SPATA9: variants seen among roughly 807,000 people sequenced by gnomAD.
SPATA9 encodes the protein spermatogenesis associated 9.
SPATA9 carries 27 observed loss-of-function variants against 25.5 expected under a neutral mutation model. The ratio of observed to expected loss-of-function variants is 1.06; its 90% CI spans 0.78 to 1.46. SPATA9 has a LOEUF of 1.46. Ranked by LOEUF, SPATA9 falls within the 40% of genes most tolerant of loss-of-function variation. The pLI, the probability that SPATA9 is intolerant of heterozygous loss-of-function variation, is 0.00. For missense variants in SPATA9, 282 were observed against 297.5 expected (o/e 0.95, Z 0.38); for synonymous variants, 102 against 105.7 (o/e 0.97, Z 0.21).
the SPATA9 span, among the ~76,000 whole-genome samples, chr5:95,718,815 G>C: frequency 1.3e-5 from 2 of 152,170 alleles, no homozygotes; most frequent in Admixed American, 6.5e-5. Context: ...AGAAAACGAA[G>C]ACAGAAGAGG....
At chr5:95,678,055 A>G (rs922749127) in intron 2 of SPATA9, among the ~76,000 whole-genome samples, 1 of 152,184 alleles carries the variant, frequency 6.6e-6, no homozygotes, top group Non-Finnish European at 1.5e-5. Flanking sequence ...TGAACCCCAG[A>G]AGCCATCATC....
At chr5:95,670,024 AC>A (rs1175968665) in intron 3 of SPATA9, among the ~76,000 whole-genome samples, 1 of 151,986 alleles carries the variant, frequency 6.6e-6, no homozygotes, top group Non-Finnish European at 1.5e-5. Context: ...GAAAGGCTTG[AC>A]CCCAACCATC....
downstream of SPATA9, chr5:95,654,034 T>C (rs1437658077): frequency 1.3e-6 from 2 of 1,596,018 alleles, no homozygotes; most frequent in South Asian, 2.3e-5. Flanking sequence ...ATACTTCTTG[T>C]AACTTTCCTT....
At chr5:95,673,749 T>C (rs1231668070) in intron 3 of SPATA9, among the ~76,000 whole-genome samples, 1 of 150,020 alleles carries the variant, frequency 6.7e-6, no homozygotes, top group Non-Finnish European at 1.5e-5. Flanking sequence ...TTTTTCTTTT[T>C]TTCTTTTTTT....
intron 3 of SPATA9, chr5:95,671,002 C>T (rs1289135957): frequency 1.7e-6 from 1 of 577,490 alleles, no homozygotes; most frequent in Non-Finnish European, 2.2e-6. Context: ...TAACCCCAGC[C>T]CCCAAGGACC....
intron 1 of SPATA9, among the ~76,000 whole-genome samples, chr5:95,695,348 A>G (rs573233440): frequency 6.6e-6 from 1 of 152,336 alleles, no homozygotes; most frequent in African/African-American, 2.4e-5. Flanking sequence ...CTGTAATCCC[A>G]GCACTTTGGG....
At chr5:95,729,694 C>T in the SPATA9 span, among the ~76,000 whole-genome samples, 1 of 152,148 alleles carries the variant, frequency 6.6e-6, no homozygotes, top group South Asian at 2.1e-4. Context: ...TCTCCCCAGC[C>T]CCTGGTAACC....
intron 1 of SPATA9, among the ~76,000 whole-genome samples, chr5:95,695,619 C>A (rs1461640250): frequency 5.3e-5 from 8 of 152,150 alleles, no homozygotes; most frequent in Non-Finnish European, 2.9e-5. Flanking sequence ...AACAAACAAA[C>A]ACATTTACAC....
At chr5:95,661,690 T>C (rs574771553) in intron 4 of SPATA9, among the ~76,000 whole-genome samples, 1 of 152,238 alleles carries the variant, frequency 6.6e-6, no homozygotes, top group East Asian at 1.9e-4. Context: ...AGTGGCAAAA[T>C]AGTTGATAAA....
chr5:95,654,549 T>C (rs1237256970), downstream of SPATA9, among the ~76,000 whole-genome samples: 1 of 152,240 alleles, frequency 6.6e-6, no homozygotes, highest in African/African-American at 2.4e-5. Context: ...ATATCTATTC[T>C]ATGGCCATAA....
the SPATA9 span, among the ~76,000 whole-genome samples, chr5:95,714,401 G>T: frequency 1.3e-5 from 2 of 152,140 alleles, no homozygotes; most frequent in Non-Finnish European, 2.9e-5. Context: ...GTAGGAGACT[G>T]ACTGAACAAG....
chr5:95,678,808 A>G (rs1297841022), intron 2 of SPATA9, among the ~76,000 whole-genome samples: 2 of 152,354 alleles, frequency 1.3e-5, no homozygotes, highest in Non-Finnish European at 2.9e-5. Flanking sequence ...TGTTTTCCAC[A>G]TAATTTATAT....
At chr5:95,724,413 G>A in the SPATA9 span, among the ~76,000 whole-genome samples, 2 of 152,208 alleles carry the variant, frequency 1.3e-5, no homozygotes, top group Non-Finnish European at 1.5e-5. Flanking sequence ...AATTATATTT[G>A]GAAAATGTTT....
At chr5:95,675,751 ATATATT>A in intron 2 of SPATA9, 112 bp from the exon 3 acceptor site, 8 of 788,684 alleles carry the variant, frequency 1.0e-5, no homozygotes, top group South Asian at 3.7e-5. Flanking sequence ...GGTGTCATGC[ATATATT>A]CAACATCCAA....
chr5:95,662,133 A>C (rs1751324016), intron 4 of SPATA9, among the ~76,000 whole-genome samples: 1 of 152,168 alleles, frequency 6.6e-6, no homozygotes, highest in African/African-American at 2.4e-5. Context: ...CACATAAAGG[A>C]CACTTGATTT....
At chr5:95,684,375 A>G (rs1157722164), upstream of SPATA9, among the ~76,000 whole-genome samples, 1 of 151,932 alleles carries the variant, frequency 6.6e-6, no homozygotes, top group Non-Finnish European at 1.5e-5. Flanking sequence ...CCTCCCTTCC[A>G]CCATCCCCTA....
chr5:95,691,338 CTGT>C (rs1294106336), intron 1 of SPATA9, among the ~76,000 whole-genome samples: 2 of 151,988 alleles, frequency 1.3e-5, no homozygotes, highest in Admixed American at 1.3e-4. Context: ...ATTAAATAAA[CTGT>C]TGTTTTCTCA....
chr5:95,683,043 T>A, upstream of SPATA9: 3 of 1,246,210 alleles, frequency 2.4e-6, no homozygotes, highest in Non-Finnish European at 3.0e-6. Flanking sequence ...TGCTACAGAA[T>A]CTTCTGACAT....
the SPATA9 span, among the ~76,000 whole-genome samples, chr5:95,718,881 A>C: frequency 6.6e-6 from 1 of 152,170 alleles, no homozygotes; most frequent in African/African-American, 2.4e-5. Context: ...CCAGGAGAGC[A>C]CAAGCAGGGA....
Sources: gnomAD v4.1 joint callset for allele counts (sites outside exome capture counted in the v4.1 genomes callset) on GRCh38, gnomAD v4.1.1 for gene constraint, MANE v1.5 for transcripts, NCBI Gene and HGNC (gene_info 2026-07-23, HGNC 2026-07-21) for gene names.